Variants in RAD51B observed in about 807,000 individuals in gnomAD.
The protein encoded by RAD51B is RAD51 paralog B.
In RAD51B, 38 loss-of-function variants were observed where a neutral mutation model predicts 42.2. The ratio of observed to expected loss-of-function variants is 0.90; its 90% confidence interval spans 0.70 to 1.18. The LOEUF is 1.18. RAD51B is among the 50% of genes most tolerant of loss of function. The pLI, the probability that RAD51B is intolerant of heterozygous loss-of-function variation, is 0.00. For synonymous variants in RAD51B, 154 were observed against 145.2 expected, an observed-to-expected ratio of 1.06 and a Z score of -0.43; for missense variants, 373 against 400.7, an observed-to-expected ratio of 0.93 and a Z score of 0.59.
At chr14:67,849,765 T>C (rs1156845291) in intron 4 of RAD51B, among the ~76,000 whole-genome samples, 1 of 152,222 alleles carries the variant, frequency 6.6e-6, no homozygotes, top group African/African-American at 2.4e-5. Context: ...TCCTTTTTCA[T>C]TTCCTGGATT....
At position 68,565,111 on chromosome 14, in the gene RAD51B, A is replaced by C. The variant is rs1033836545; in HGVS notation, c.1037-29374A>C. ...CACACACACACATACACACACACACACCCCACATGCACACAACACAAAGGT... is the reference window on the plus strand; with the variant it reads ...CACACACACACATACACACACACACCCCCCACATGCACACAACACAAAGGT... On this transcript the variant is annotated intron_variant, in intron 10 of 10. Coordinates refer to the RAD51B transcript ENST00000487270. The surrounding 1 kb of genome is among the most constrained non-coding windows in gnomAD (Gnocchi z 4.1). Among the ~76,000 whole-genome samples, 4 of 152,070 alleles carry C rather than the reference A, an allele frequency of 2.6e-5. No individual in the cohort carries two copies. Among genetic ancestry groups the C allele is most frequent in the Non-Finnish European group, 5.9e-5 (4 of 68,008 alleles).
rs535705885 is a variant in RAD51B at position 67,871,252 on chromosome 14, G to T, written c.452+6113G>T. Among the ~76,000 whole-genome samples the T allele has an allele frequency of 2.6e-5, 4 of 152,022 alleles. No homozygotes were observed. The South Asian group carries it at 8.3e-4, about 32-fold the overall frequency. ...AGATGCAATAAAAAATGATAAAGGG[G>T]ATATCATCACCGATCCCACAGAAAT... is the stretch of plus-strand genomic sequence containing the variant. On this transcript the variant is annotated intron_variant, in intron 5 of 10. Transcript: ENST00000471583.
intron 11 of RAD51B, among the ~76,000 whole-genome samples, chr14:68,681,877 T>C (rs1893438497): frequency 6.6e-6 from 1 of 152,130 alleles, no homozygotes; most frequent in Non-Finnish European, 1.5e-5. Flanking sequence ...ATATGAAAGA[T>C]ATAGTGGACT....
At chr14:68,416,734 C>T (rs1384255476) in intron 9 of RAD51B, among the ~76,000 whole-genome samples, 1 of 152,126 alleles carries the variant, frequency 6.6e-6, no homozygotes, top group African/African-American at 2.4e-5. Context: ...GCAGAACCAG[C>T]CTGCTGTAGT....
chr14:67,985,084 T>G (rs1200928662), intron 7 of RAD51B, among the ~76,000 whole-genome samples: 1 of 152,202 alleles, frequency 6.6e-6, no homozygotes, highest in Admixed American at 6.5e-5. Flanking sequence ...AGCTTAAATG[T>G]TCATGGAGTT....
chr14:68,648,674 A>AACACACACACACACACACACAC lies in RAD51B; in HGVS notation c.1037-2087_1037-2066dup, dbSNP rs35200852. Among the ~76,000 whole-genome samples, 6 of 143,722 alleles carry AACACACACACACACACACACAC rather than the reference A, an allele frequency of 4.2e-5. No individual in the cohort carries two copies. The South Asian group carries it at 9.3e-4, about 22-fold the overall frequency. The allele number at this position is 143,722 out of a possible 152,430, so 94.3% of individuals were successfully genotyped here. A position where few individuals can be genotyped will look rare whatever the true frequency, so the allele number is the denominator to read the frequency against. On this transcript the variant is annotated intron_variant, in intron 10 of 11. Coordinates refer to the RAD51B transcript ENST00000488612. ...AGCTCAATAATGGTAAAAGCACACA[A>AACACACACACACACACACACAC]ACACACACACACACACACACACACA...
chr14:68,393,070 G>A (rs965042328), intron 8 of RAD51B, among the ~76,000 whole-genome samples: 9 of 152,182 alleles, frequency 5.9e-5, no homozygotes, highest in Non-Finnish European at 1.5e-5. Context: ...CCACCTATCA[G>A]GCTCACTTGA....
chr14:67,839,692 A>G (rs1415490028), intron 4 of RAD51B, among the ~76,000 whole-genome samples: 1 of 151,284 alleles, frequency 6.6e-6, no homozygotes, highest in African/African-American at 2.4e-5. Context: ...TATTTCTGCC[A>G]TTTTCTTATT....
chr14:68,459,488 G>A (rs2085788645), intron 9 of RAD51B, among the ~76,000 whole-genome samples: 2 of 152,268 alleles, frequency 1.3e-5, no homozygotes, highest in Admixed American at 1.3e-4. Flanking sequence ...GAGATAATAG[G>A]GTCCCTGTAG....
Position 67,859,374 on chromosome 14 carries a change from C to T in RAD51B, c.316-5629C>T, listed in dbSNP as rs73280448. On this transcript the variant is annotated intron_variant, in intron 4 of 10. Coordinates refer to ENST00000471583, the MANE Select transcript of RAD51B (RefSeq NM_133510.4). ...AGCCACACACATGTATAGGTCAGAG[C>T]GGATGCTTCTCCTATGAGACATTAA... Among the ~76,000 whole-genome samples, 1,112 of 152,268 alleles carry T rather than the reference C, an allele frequency of 7.3e-3. 12 individuals carry two copies. Among genetic ancestry groups the T allele is most frequent in the African/African-American group, 0.026 (1,074 of 41,548 alleles).
intron 8 of RAD51B, among the ~76,000 whole-genome samples, chr14:68,408,411 G>A (rs1002226486): frequency 2.9e-4 from 44 of 152,174 alleles, no homozygotes; most frequent in Non-Finnish European, 1.3e-4. Flanking sequence ...TTATGATGTA[G>A]ACTTGCAGTT....
intron 8 of RAD51B, among the ~76,000 whole-genome samples, chr14:68,353,793 G>A (rs928187627): frequency 1.3e-4 from 20 of 152,320 alleles, no homozygotes; most frequent in Middle Eastern, 3.4e-3. Context: ...TTTCTAAAAA[G>A]TTGCCACTTT....
intron 7 of RAD51B, among the ~76,000 whole-genome samples, chr14:67,906,547 T>C (rs2043787175): frequency 6.6e-6 from 1 of 152,068 alleles, no homozygotes; most frequent in Admixed American, 6.6e-5. Context: ...CTGGTAGGCT[T>C]TTTATTACTG....
At chr14:68,301,664 T>G (rs995072232) in intron 8 of RAD51B, among the ~76,000 whole-genome samples, 1 of 148,306 alleles carries the variant, frequency 6.7e-6, no homozygotes, top group Non-Finnish European at 1.5e-5. Context: ...TGGCATGATC[T>G]CCACTCACTG....
chr14:68,011,894 G>T (rs908115334), intron 7 of RAD51B, among the ~76,000 whole-genome samples: 13 of 151,996 alleles, frequency 8.6e-5, no homozygotes, highest in Non-Finnish European at 1.9e-4. Flanking sequence ...TTCCTGCCAA[G>T]AATAATAAAC....
chr14:68,609,041 C>T (rs914865893), intron 10 of RAD51B, among the ~76,000 whole-genome samples: 3 of 152,164 alleles, frequency 2.0e-5, no homozygotes, highest in Admixed American at 2.0e-4. Flanking sequence ...ACTCTCTGGC[C>T]GCAGCTTCCT....
chr14:68,589,582 C>T (rs1369026356), intron 10 of RAD51B, among the ~76,000 whole-genome samples: 1 of 152,216 alleles, frequency 6.6e-6, no homozygotes, highest in Non-Finnish European at 1.5e-5. Flanking sequence ...AGGGTATCTC[C>T]TTTGCACGTA....
At chr14:68,196,888 A>G in intron 7 of RAD51B, among the ~76,000 whole-genome samples, 1 of 152,250 alleles carries the variant, frequency 6.6e-6, no homozygotes, top group East Asian at 1.9e-4. Context: ...TACTCTTTTG[A>G]CATGGAGTAT....
intron 7 of RAD51B, among the ~76,000 whole-genome samples, chr14:67,888,670 G>A (rs1453723372): frequency 6.6e-6 from 1 of 152,070 alleles, no homozygotes; most frequent in Non-Finnish European, 1.5e-5. Context: ...CTTTTTTCTT[G>A]TCATGATTCC....
Sources: gnomAD v4.1 joint callset for allele counts (sites outside exome capture counted in the v4.1 genomes callset) on GRCh38, gnomAD v4.1.1 for gene constraint, Gnocchi (gnomAD v3.1) non-coding constraint, MANE v1.5 for transcripts, NCBI Gene and HGNC (gene_info 2026-07-23, HGNC 2026-07-21) for gene names.